Variants in MACROD1 observed in about 807,000 individuals in gnomAD.
MACROD1 encodes the protein ADP-ribose glycohydrolase MACROD1.
In MACROD1, 31 loss-of-function variants were observed where a neutral mutation model predicts 41.4. The observed-to-expected ratio is 0.75, with a 90% CI of 0.56 to 1.01. The LOEUF is 1.01. Ranked by LOEUF, MACROD1 falls within the 50% of genes least tolerant of loss-of-function variation. The pLI, the probability that MACROD1 is intolerant of heterozygous loss-of-function variation, is 0.00. For synonymous variants in MACROD1, 252 were observed against 203.4 expected (o/e 1.24, Z -2.03); for missense variants, 473 against 460.0 (o/e 1.03, Z -0.26).
chr11:64,115,136 G>A (rs1944953883), intron 3 of MACROD1, among the ~76,000 whole-genome samples: 1 of 152,176 alleles, frequency 6.6e-6, no homozygotes, highest in Admixed American at 6.5e-5. Flanking sequence ...CGTGAACCCA[G>A]TGTTTTACAG....
chr11:64,063,535 C>A (rs747706457), intron 3 of MACROD1, among the ~76,000 whole-genome samples: 1 of 152,194 alleles, frequency 6.6e-6, no homozygotes, highest in East Asian at 1.9e-4. Context: ...CCCCAAAAGT[C>A]TCCGTTACTG....
At chr11:64,091,979 G>A (rs1944498827) in intron 3 of MACROD1, among the ~76,000 whole-genome samples, 1 of 152,224 alleles carries the variant, frequency 6.6e-6, no homozygotes, top group Non-Finnish European at 1.5e-5. Flanking sequence ...GCTCTCAGGT[G>A]GTAGAGGACA....
At position 64,111,537 on chromosome 11, in the gene MACROD1, T is replaced by TG. The variant is rs1289358884; in HGVS notation, c.517+39701dup. Among the ~76,000 whole-genome samples, 17 of 152,368 alleles carry TG rather than the reference T, an allele frequency of 1.1e-4. No homozygotes were observed. In the South Asian group the frequency reaches 3.5e-3, roughly 32 times the overall value. ...AGGGACAGACGTGCAGTGGGAAATC[T>TG]GGGCTGGCTGTGACCTTGGCTGGGC... is the stretch of plus-strand genomic sequence containing the variant. On this transcript the variant is annotated intron_variant, in intron 3 of 10. Transcript: ENST00000255681.
At chr11:64,017,694 G>T (rs1316212176) in intron 3 of MACROD1, among the ~76,000 whole-genome samples, 1 of 152,174 alleles carries the variant, frequency 6.6e-6, no homozygotes, top group East Asian at 1.9e-4. Context: ...AGGGAGGAGG[G>T]GGCATCTCAG....
At chr11:64,117,858 G>C in intron 3 of MACROD1, 1 of 1,614,154 alleles carries the variant, frequency 6.2e-7, no homozygotes, top group Non-Finnish European at 8.5e-7. Context: ...AGAGACAGCC[G>C]ACAGCTATGG....
intron 3 of MACROD1, among the ~76,000 whole-genome samples, chr11:64,062,996 C>T (rs756583319): frequency 3.9e-5 from 6 of 152,208 alleles, no homozygotes; most frequent in Admixed American, 6.5e-5. Context: ...ACAGGGCTCC[C>T]GGCCCATCTT....
chr11:64,002,921 G>T (rs1942850377), intron 4 of MACROD1, among the ~76,000 whole-genome samples: 1 of 152,154 alleles, frequency 6.6e-6, no homozygotes, highest in Admixed American at 6.5e-5. Context: ...TGGAGGTGGG[G>T]TATTCCCAGT....
At chr11:64,124,998 CA>C (rs747142249) in intron 3 of MACROD1, among the ~76,000 whole-genome samples, 25 of 152,180 alleles carry the variant, frequency 1.6e-4, no homozygotes, top group Non-Finnish European at 2.1e-4. Flanking sequence ...GTCTTTTCTC[CA>C]CGTCTCCCCC....
At chr11:64,041,591 A>G (rs139699193) in intron 3 of MACROD1, among the ~76,000 whole-genome samples, 4 of 151,280 alleles carry the variant, frequency 2.6e-5, no homozygotes, top group African/African-American at 9.7e-5. Context: ...GAACAGATGA[A>G]TGAATGGAAA....
In MACROD1 at chr11:64,165,683, G is replaced by T. The variant is rs767405567; in HGVS notation, c.298+14C>A. 6 of 1,409,264 alleles carry T rather than the reference G, an allele frequency of 4.3e-6. No individual in the cohort carries two copies. The East Asian group carries it at 1.4e-4, about 33-fold the overall frequency. The allele number at this position is 1,409,264 out of a possible 1,614,324, so 87.3% of individuals were successfully genotyped here. ...GCCGCCCTCTCCCTCGCGCCCCCTC[G>T]TGCTTACACTTACATTTCGCCTCCT... On this transcript the variant is annotated intron_variant, in intron 1 of 10. Coordinates refer to ENST00000255681, the MANE Select transcript of MACROD1 (RefSeq NM_014067.4).
At chr11:64,015,959 C>A (rs994035124) in intron 3 of MACROD1, among the ~76,000 whole-genome samples, 2 of 152,194 alleles carry the variant, frequency 1.3e-5, no homozygotes, top group African/African-American at 4.8e-5. Flanking sequence ...CTCATTTTCC[C>A]CATGTGGGAG....
At chr11:64,118,001 C>T (rs1462665646) in intron 3 of MACROD1, 1 of 1,613,798 alleles carries the variant, frequency 6.2e-7, no homozygotes, top group Admixed American at 1.7e-5. Context: ...GGTACGTGCA[C>T]CAGGCTGGCG....
rs1383178451 is a variant in MACROD1 at position 64,148,995 on chromosome 11, G to A, written c.517+2244C>T. On this transcript the variant is annotated intron_variant, in intron 3 of 10. Coordinates refer to ENST00000255681, the MANE Select transcript of MACROD1 (RefSeq NM_014067.4). ...CAGACCCTGCCTCCGTCATTCCCTG[G>A]GATTCCAGGCGGGTACCGGGTCCTC... The A allele has an allele frequency of 1.2e-5, 12 of 985,270 alleles. 1 individual carries two copies. Among genetic ancestry groups the A allele is most frequent in the African/African-American group, 5.2e-5 (3 of 57,200 alleles). The allele number at this position is 985,270 out of a possible 1,614,324, so 61.0% of individuals were successfully genotyped here.
At chr11:64,023,523 C>T (rs1943185948) in intron 3 of MACROD1, among the ~76,000 whole-genome samples, 1 of 152,136 alleles carries the variant, frequency 6.6e-6, no homozygotes, top group Non-Finnish European at 1.5e-5. Flanking sequence ...GCAGAAGGTC[C>T]CAGCACTCCT....
chr11:64,118,411 C>G (rs900540526), intron 3 of MACROD1: 59 of 1,286,436 alleles, frequency 4.6e-5, no homozygotes, highest in Admixed American at 6.3e-5. Flanking sequence ...GGTGACTTTC[C>G]TCCGCAGAAA....
intron 1 of MACROD1, among the ~76,000 whole-genome samples, chr11:64,160,363 T>C (rs996059197): frequency 5.9e-5 from 9 of 152,158 alleles, no homozygotes; most frequent in African/African-American, 2.2e-4. Context: ...ACTGCACATA[T>C]GCCTTCTGAC....
chr11:64,000,999 G>C, intron 4 of MACROD1: 1 of 190,172 alleles, frequency 5.3e-6, no homozygotes, highest in South Asian at 1.1e-4. Flanking sequence ...AACCCCAGCT[G>C]GTTAATGAAC....
intron 3 of MACROD1, among the ~76,000 whole-genome samples, chr11:64,084,527 C>T (rs1944360024): frequency 6.6e-6 from 1 of 152,198 alleles, no homozygotes. Flanking sequence ...CTTGGGTCAT[C>T]GCTGCTGCAG....
chr11:64,107,912 A>G (rs750355913), intron 3 of MACROD1, among the ~76,000 whole-genome samples: 5 of 152,248 alleles, frequency 3.3e-5, no homozygotes, highest in Non-Finnish European at 7.3e-5. Flanking sequence ...TCTGGGGCTC[A>G]GGGAAGAATG....
Sources: gnomAD v4.1 joint callset for allele counts (sites outside exome capture counted in the v4.1 genomes callset) on GRCh38, gnomAD v4.1.1 for gene constraint, MANE v1.5 for transcripts, NCBI Gene and HGNC (gene_info 2026-07-23, HGNC 2026-07-21) for gene names.